The following LOC400499 variants were observed in gnomAD, a reference collection of about 807,000 sequenced individuals.
At chr16:11,494,813 G>A in the LOC400499 span, 1 of 398,356 alleles carries the variant, frequency 2.5e-6, no homozygotes, top group Non-Finnish European at 4.4e-6. Flanking sequence ...GCACTTCACA[G>A]GCCTCACCCT....
At chr16:11,527,314 G>T in the LOC400499 span, among the ~76,000 whole-genome samples, 3 of 152,182 alleles carry the variant, frequency 2.0e-5, no homozygotes, top group Admixed American at 6.5e-5. Flanking sequence ...AAGGGGAGGT[G>T]GGGGGCATTC....
chr16:11,464,663 A>AG, the LOC400499 span, among the ~76,000 whole-genome samples: 1 of 152,194 alleles, frequency 6.6e-6, no homozygotes, highest in Non-Finnish European at 1.5e-5. Context: ...GAGGACTTGA[A>AG]GGGGGGACCT....
chr16:11,527,107 A>C, the LOC400499 span, among the ~76,000 whole-genome samples: 4 of 152,026 alleles, frequency 2.6e-5, no homozygotes, highest in Admixed American at 2.6e-4. Context: ...AGTTTTACTT[A>C]CTCTCCGCAG....
chr16:11,498,465 G>C, the LOC400499 span, among the ~76,000 whole-genome samples: 18 of 151,994 alleles, frequency 1.2e-4, no homozygotes, highest in African/African-American at 3.6e-4. Context: ...CTGGGCAACA[G>C]AGCGAGACTC....
the LOC400499 span, among the ~76,000 whole-genome samples, chr16:11,451,861 T>A: frequency 7.3e-4 from 111 of 152,174 alleles, no homozygotes; most frequent in African/African-American, 2.4e-3. Flanking sequence ...GAGTTGAGAA[T>A]AGGGAGACAT....
chr16:11,446,751 G>A, the LOC400499 span: 1 of 1,535,902 alleles, frequency 6.5e-7, no homozygotes, highest in Non-Finnish European at 8.7e-7. Flanking sequence ...CACTCACGTA[G>A]GGGTGTCCGG....
At chr16:11,443,112 T>A in the LOC400499 span, among the ~76,000 whole-genome samples, 1 of 151,536 alleles carries the variant, frequency 6.6e-6, no homozygotes, top group Non-Finnish European at 1.5e-5. Context: ...TCACCTGAGG[T>A]CAGGAGCTCG....
the LOC400499 span, among the ~76,000 whole-genome samples, chr16:11,402,706 C>T: frequency 6.6e-6 from 1 of 152,162 alleles, no homozygotes; most frequent in Non-Finnish European, 1.5e-5. Flanking sequence ...GCCGCCCGCT[C>T]ACCCTACAGC....
At chr16:11,474,160 T>C in the LOC400499 span, among the ~76,000 whole-genome samples, 7 of 152,340 alleles carry the variant, frequency 4.6e-5, no homozygotes, top group Middle Eastern at 3.4e-3. Flanking sequence ...GCCGGCCAGA[T>C]AGTCAATATT....
the LOC400499 span, chr16:11,387,010 G>C: frequency 3.4e-5 from 32 of 929,486 alleles, no homozygotes; most frequent in Admixed American, 4.3e-5. Context: ...GTAAGCTCTG[G>C]GCCTGGCACT....
chr16:11,396,697 G>A, the LOC400499 span: 1 of 1,231,766 alleles, frequency 8.1e-7, no homozygotes, highest in Admixed American at 4.2e-5. Flanking sequence ...GAGTCTAGGT[G>A]TCAGGCAGGC....
At chr16:11,508,881 T>C in the LOC400499 span, 1 of 398,874 alleles carries the variant, frequency 2.5e-6, no homozygotes, top group Non-Finnish European at 4.4e-6. Flanking sequence ...GTGGATGGGA[T>C]GACCATATGG....
the LOC400499 span, among the ~76,000 whole-genome samples, chr16:11,433,860 C>T: frequency 6.6e-6 from 1 of 152,220 alleles, no homozygotes; most frequent in South Asian, 2.1e-4. Flanking sequence ...CTATACCTTG[C>T]CCTATGCGTC....
At chr16:11,438,961 T>A in the LOC400499 span, among the ~76,000 whole-genome samples, 1 of 152,168 alleles carries the variant, frequency 6.6e-6, no homozygotes, top group East Asian at 1.9e-4. Context: ...ATTAATGGTG[T>A]GCCCCATGTC....
chr16:11,457,702 G>C, the LOC400499 span, among the ~76,000 whole-genome samples: 3,014 of 152,046 alleles, frequency 0.02, 47 homozygotes, highest in South Asian at 0.062. Context: ...GAAAGCATCA[G>C]ATATTTGCAC....
the LOC400499 span, chr16:11,384,192 G>C: frequency 2.4e-6 from 3 of 1,224,892 alleles, no homozygotes; most frequent in Non-Finnish European, 3.1e-6. Flanking sequence ...GCTGGAAGCA[G>C]GACAGGCAGG....
chr16:11,408,466 T>TTG, the LOC400499 span, among the ~76,000 whole-genome samples: 2 of 150,980 alleles, frequency 1.3e-5, no homozygotes, highest in East Asian at 3.9e-4. Context: ...TTTTTTTTTT[T>TTG]TTTTTTAGAC....
the LOC400499 span, among the ~76,000 whole-genome samples, chr16:11,482,262 TG>T: frequency 6.6e-6 from 1 of 152,048 alleles, no homozygotes; most frequent in African/African-American, 2.4e-5. Flanking sequence ...GGAGGGGGAA[TG>T]GAGGCTGAGC....
At chr16:11,414,750 G>C in the LOC400499 span, among the ~76,000 whole-genome samples, 1 of 152,230 alleles carries the variant, frequency 6.6e-6, no homozygotes, top group Non-Finnish European at 1.5e-5. Flanking sequence ...TCTCATTGAA[G>C]TTGAAGTTGC....
Sources: allele counts gnomAD v4.1 joint callset (sites outside exome capture counted in the v4.1 genomes callset), GRCh38; gene constraint gnomAD v4.1.1; transcripts MANE v1.5.